Variants in LIPI observed in about 807,000 individuals in gnomAD.
LIPI encodes lipase member I.
Under a neutral mutation model 50.6 loss-of-function variants are expected in LIPI, and 59 were observed. The observed-to-expected ratio is 1.16, with a 90% CI of 0.94 to 1.45. The LOEUF is 1.45. Among genes scored for constraint, LIPI ranks in the 40% most tolerant of loss-of-function variants. The pLI is 0.00. For synonymous variants in LIPI, 203 were observed against 178.2 expected (o/e 1.14, Z -1.11); for missense variants, 586 against 536.3 (o/e 1.09, Z -0.92).
intron 9 of LIPI, among the ~76,000 whole-genome samples, chr21:14,112,011 T>C (rs972262891): frequency 6.6e-6 from 1 of 152,108 alleles, no homozygotes; most frequent in African/African-American, 2.4e-5. Flanking sequence ...CCCACACTAA[T>C]CTCTTTTAGA....
At chr21:14,204,205 A>G (rs1451945158) in intron 1 of LIPI, among the ~76,000 whole-genome samples, 5 of 152,026 alleles carry the variant, frequency 3.3e-5, no homozygotes, top group Non-Finnish European at 7.4e-5. Context: ...GTTATATGAT[A>G]TAATCAATTA....
chr21:14,172,686 A>C (rs2018958312), intron 4 of LIPI, among the ~76,000 whole-genome samples: 1 of 151,790 alleles, frequency 6.6e-6, no homozygotes, highest in African/African-American at 2.4e-5. Flanking sequence ...TGGACACAAG[A>C]AGGGGAACAT....
chr21:14,141,276 C>T (rs1383497399), intron 9 of LIPI, among the ~76,000 whole-genome samples: 1 of 151,918 alleles, frequency 6.6e-6, no homozygotes, highest in Non-Finnish European at 1.5e-5. Flanking sequence ...ACCCTATTTT[C>T]TCTATTTTTA....
chr21:14,142,140 T>C (rs1177804687), intron 9 of LIPI, among the ~76,000 whole-genome samples: 2 of 152,068 alleles, frequency 1.3e-5, no homozygotes, highest in African/African-American at 2.4e-5. Flanking sequence ...AGTGGAGGCT[T>C]TGCATCTTCA....
At chr21:14,205,688 T>C (rs375427527) in intron 1 of LIPI, among the ~76,000 whole-genome samples, 3 of 152,216 alleles carry the variant, frequency 2.0e-5, no homozygotes, top group East Asian at 3.9e-4. Flanking sequence ...ATATTTTTAG[T>C]TTCCTATGTC....
At chr21:14,115,020 A>G (rs2016569705) in intron 9 of LIPI, among the ~76,000 whole-genome samples, 2 of 152,186 alleles carry the variant, frequency 1.3e-5, no homozygotes, top group Non-Finnish European at 2.9e-5. Flanking sequence ...TGAAGAAGGA[A>G]TTCATGAATT....
chr21:14,171,785 C>A (rs891774721), intron 4 of LIPI, among the ~76,000 whole-genome samples: 4 of 151,820 alleles, frequency 2.6e-5, no homozygotes, highest in African/African-American at 7.3e-5. Flanking sequence ...CTAGGCAATA[C>A]CATTCAGGAC....
rs564781657 is a variant in LIPI, at chr21:14,168,749, C to G, written c.644-2298G>C. The stretch of plus-strand genomic sequence containing the variant: ...ATGGAAAGGAAAAACCGGTACCAGC[C>G]ACTGCAAAATCATGCCAAATTGTAA... On this transcript the variant is annotated intron_variant, in intron 4 of 9. Coordinates refer to ENST00000681601, the MANE Select transcript of LIPI (RefSeq NM_001302998.2). Among the ~76,000 whole-genome samples the G allele has an allele frequency of 4.4e-3, 665 of 152,274 alleles. 8 individuals are homozygous for G. The highest frequency in any genetic ancestry group is 0.014 in the South Asian group (68 of 4,820).
In LIPI at chr21:14,200,627, G is replaced by A. The variant is rs567811504; in HGVS notation, c.46+10173C>T. Among the ~76,000 whole-genome samples, 23 of 151,716 alleles carry A rather than the reference G, an allele frequency of 1.5e-4. No homozygotes were observed. In the East Asian group the frequency reaches 2.1e-3, roughly 14 times the overall value. ...TCAGAGATGGCACACAAAAATAATC[G>A]AAAAACATACCATGCTCATGGATAG... is the stretch of plus-strand genomic sequence containing the variant. On this transcript the variant is annotated intron_variant, in intron 1 of 9. Transcript: ENST00000681601.
At chr21:14,147,602 C>T (rs2017950831) in intron 8 of LIPI, among the ~76,000 whole-genome samples, 1 of 152,082 alleles carries the variant, frequency 6.6e-6, no homozygotes, top group Admixed American at 6.6e-5. Context: ...AGAATTGTAT[C>T]CCCTATTCCT....
chr21:14,156,864 A>G (rs938441522), intron 7 of LIPI, among the ~76,000 whole-genome samples: 3 of 151,832 alleles, frequency 2.0e-5, no homozygotes, highest in African/African-American at 7.2e-5. Context: ...CACATTACAA[A>G]AAGGCTGTTG....
At chr21:14,165,555 A>G (rs1214501405) in intron 5 of LIPI, among the ~76,000 whole-genome samples, 165 bp from the exon 6 acceptor site, 1 of 152,222 alleles carries the variant, frequency 6.6e-6, no homozygotes, top group East Asian at 1.9e-4. Context: ...AATAGTACCA[A>G]TGAAAACTTA....
chr21:14,189,303 A>G lies in LIPI; in HGVS notation c.163T>C (p.Cys55Arg). 6.2e-7 allele frequency: 1 copy of G among 1,613,694 alleles called. No homozygotes were observed. Among genetic ancestry groups the G allele is most frequent in the Non-Finnish European group, 8.5e-7 (1 of 1,179,600 alleles). The change falls in exon 2 of 10, where the codon TGT becomes CGT. Residue 55 changes from cysteine (C) to arginine (R), a missense_variant. Physicochemically the swap from Cys to Arg is radical, Grantham distance 180. Coordinates refer to ENST00000681601, the MANE Select transcript of LIPI (RefSeq NM_001302998.2). ...LMMYTRNNLNCAEPLFEQNNS... is the reference protein window; with the variant it reads ...LMMYTRNNLNRAEPLFEQNNS... The stretch of plus-strand genomic sequence containing the variant: ...TTTTGTTCAAACAGTGGCTCAGCAC[A>G]GTTTAGGTTGTTCCTTGTATACATC...
chr21:14,158,198 A>G (rs116326292), intron 7 of LIPI, among the ~76,000 whole-genome samples: 1,840 of 151,896 alleles, frequency 0.012, 43 homozygotes, highest in African/African-American at 0.043. Context: ...AAAGAGATCA[A>G]TGCTTGACTA....
intron 1 of LIPI, among the ~76,000 whole-genome samples, chr21:14,201,914 C>T (rs534205009): frequency 5.3e-5 from 8 of 152,260 alleles, no homozygotes; most frequent in East Asian, 3.9e-4. Flanking sequence ...TTGCAGATGA[C>T]GTGATTGTAT....
intron 8 of LIPI, among the ~76,000 whole-genome samples, chr21:14,149,024 C>T (rs1185227836): frequency 6.6e-6 from 1 of 152,106 alleles, no homozygotes; most frequent in Non-Finnish European, 1.5e-5. Flanking sequence ...CTGTTCTAGG[C>T]CTGTGTTCAT....
At chr21:14,173,258 A>T (rs1307268838) in intron 4 of LIPI, among the ~76,000 whole-genome samples, 1 of 152,180 alleles carries the variant, frequency 6.6e-6, no homozygotes, top group Admixed American at 6.5e-5. Context: ...CAGTGTGATG[A>T]TTTGCTTTCA....
chr21:14,191,590 A>G (rs1292934355), intron 1 of LIPI, among the ~76,000 whole-genome samples: 1 of 152,154 alleles, frequency 6.6e-6, no homozygotes, highest in East Asian at 1.9e-4. Flanking sequence ...AGAACTAAGT[A>G]TATTCTATAC....
At chr21:14,111,232 T>TGTTCTCACCAACATTTGTTATAACTTTTG in intron 9 of LIPI, among the ~76,000 whole-genome samples, 2 of 151,954 alleles carry the variant, frequency 1.3e-5, no homozygotes, top group Non-Finnish European at 2.9e-5. Context: ...CTTTTTTCCA[T>TGTTCTCACCAACATTTGTTATAACTTTTG]GTTCTCACCA....
Sources: gnomAD v4.1 joint callset for allele counts (sites outside exome capture counted in the v4.1 genomes callset) on GRCh38, gnomAD v4.1.1 for gene constraint, MANE v1.5 for transcripts, NCBI Gene and HGNC (gene_info 2026-07-23, HGNC 2026-07-21) for gene names.